Variants in RABGAP1L observed in about 807,000 individuals in gnomAD.
The protein encoded by RABGAP1L is rab GTPase-activating protein 1-like.
RABGAP1L carries 63 observed loss-of-function variants against 137.7 expected under a neutral mutation model. That is an observed-to-expected ratio of 0.46 (90% CI 0.37 to 0.56). The LOEUF (loss-of-function observed/expected upper bound fraction) is 0.56. Ranked by LOEUF, RABGAP1L falls within the 20% of genes least tolerant of loss-of-function variation. The pLI, the probability that RABGAP1L is intolerant of heterozygous loss-of-function variation, is 0.00. For missense variants in RABGAP1L, 1,095 were observed against 1,244.0 expected (o/e 0.88, Z 1.80); for synonymous variants, 431 against 433.7 (o/e 0.99, Z 0.08).
chr1:174,644,302 A>T (rs1674776631), intron 14 of RABGAP1L, among the ~76,000 whole-genome samples: 1 of 152,022 alleles, frequency 6.6e-6, no homozygotes, highest in Non-Finnish European at 1.5e-5. Context: ...GCTTTCCTTG[A>T]AATAGCTTTT....
At chr1:174,535,525 C>G (rs1664823495) in intron 13 of RABGAP1L, among the ~76,000 whole-genome samples, 1 of 152,102 alleles carries the variant, frequency 6.6e-6, no homozygotes, top group African/African-American at 2.4e-5. Flanking sequence ...CACTTTTTGC[C>G]TGCTAGGTGT....
In RABGAP1L at chr1:174,881,446, G is replaced by A. The variant is rs560844371; in HGVS notation, c.2340+69486G>A. ...GTAATATTTGGGTTTGGTTCATCTG[G>A]AAAAGTTATTCTAAAATTGTGCAAG... On this transcript the variant is annotated intron_variant, in intron 19 of 25. Transcript: ENST00000681986. Among the ~76,000 whole-genome samples, 33 of 147,552 alleles carry A rather than the reference G, an allele frequency of 2.2e-4. No homozygotes were observed. The East Asian group carries it at 3.0e-3, about 13-fold the overall frequency.
chr1:174,416,922 A>G (rs1307157679), intron 13 of RABGAP1L, among the ~76,000 whole-genome samples: 1 of 152,080 alleles, frequency 6.6e-6, no homozygotes, highest in Non-Finnish European at 1.5e-5. Context: ...TTGATTATAA[A>G]CTAATGAGAA....
intron 19 of RABGAP1L, among the ~76,000 whole-genome samples, chr1:174,814,019 A>G (rs1042473800): frequency 6.6e-6 from 1 of 152,218 alleles, no homozygotes; most frequent in Admixed American, 6.5e-5. Context: ...AAAGAAACCC[A>G]GGAAAACAAT....
intron 19 of RABGAP1L, among the ~76,000 whole-genome samples, chr1:174,956,917 G>A (rs1187281068): frequency 1.3e-5 from 2 of 151,686 alleles, no homozygotes; most frequent in Admixed American, 1.3e-4. Flanking sequence ...CAAAGTGCTG[G>A]GATTACAGGC....
chr1:174,885,760 G>A (rs1654983816), intron 19 of RABGAP1L, among the ~76,000 whole-genome samples: 3 of 152,042 alleles, frequency 2.0e-5, no homozygotes, highest in Admixed American at 1.3e-4. Context: ...GAGGTCAGGA[G>A]ATCGAGACCA....
intron 12 of RABGAP1L, among the ~76,000 whole-genome samples, chr1:174,375,200 ATAT>A (rs1480718069): frequency 6.6e-6 from 1 of 152,060 alleles, no homozygotes; most frequent in Admixed American, 6.6e-5. Flanking sequence ...TATAGAAAAA[ATAT>A]TATGCTTTTC....
At chr1:174,622,456 A>G (rs1202598579) in intron 13 of RABGAP1L, among the ~76,000 whole-genome samples, 1 of 152,230 alleles carries the variant, frequency 6.6e-6, no homozygotes, top group Non-Finnish European at 1.5e-5. Flanking sequence ...AACCAACCCA[A>G]ATGTCCAACA....
chr1:174,463,432 T>A lies in RABGAP1L; in HGVS notation c.1710+69287T>A, dbSNP rs186229026. ...CAAAAACAAAAAACCAAACACCGCA[T>A]GTTCTCACTCATAGGTGGGAATCGA... is the stretch of plus-strand genomic sequence containing the variant. On this transcript the variant is annotated intron_variant, in intron 13 of 25. Transcript: ENST00000681986. Among the ~76,000 whole-genome samples the A allele has an allele frequency of 9.9e-5, 15 of 151,252 alleles. No individual in the cohort carries two copies. The East Asian group carries it at 2.5e-3, about 26-fold the overall frequency.
chr1:174,621,452 T>G (rs1471409005), intron 13 of RABGAP1L, among the ~76,000 whole-genome samples: 7 of 152,238 alleles, frequency 4.6e-5, no homozygotes, highest in African/African-American at 1.7e-4. Context: ...GACTTCAAAC[T>G]ATACTACAAG....
intron 19 of RABGAP1L, among the ~76,000 whole-genome samples, chr1:174,923,203 G>C (rs947832919): frequency 3.0e-4 from 45 of 151,866 alleles, no homozygotes; most frequent in African/African-American, 1.1e-3. Context: ...ATAAGGTAAG[G>C]TGTGTTATAT....
intron 14 of RABGAP1L, among the ~76,000 whole-genome samples, chr1:174,675,643 G>C (rs949098937): frequency 6.6e-6 from 1 of 152,102 alleles, no homozygotes; most frequent in Non-Finnish European, 1.5e-5. Context: ...TTGGTAGCTT[G>C]ATGGGGATGG....
chr1:174,824,827 G>T (rs1171740795), intron 19 of RABGAP1L, among the ~76,000 whole-genome samples: 4 of 149,662 alleles, frequency 2.7e-5, no homozygotes, highest in Admixed American at 1.3e-4. Flanking sequence ...TTTTTTTTTT[G>T]AAATGGTGGC....
chr1:174,453,018 GT>G (rs1246621627), intron 13 of RABGAP1L, among the ~76,000 whole-genome samples: 3 of 152,202 alleles, frequency 2.0e-5, no homozygotes, highest in South Asian at 4.2e-4. Context: ...AAATTTTGGG[GT>G]TAAACTCAGA....
chr1:174,165,319 T>G (rs1664813831), intron 1 of RABGAP1L, among the ~76,000 whole-genome samples: 2 of 152,082 alleles, frequency 1.3e-5, no homozygotes, highest in Admixed American at 1.3e-4. Context: ...CAGGCTAATT[T>G]TTGTATTTTT....
At chr1:174,901,437 C>G (rs1393255959) in intron 19 of RABGAP1L, among the ~76,000 whole-genome samples, 1 of 152,090 alleles carries the variant, frequency 6.6e-6, no homozygotes, top group African/African-American at 2.4e-5. Flanking sequence ...GGAGAAGCCC[C>G]CCTTATAAAA....
At chr1:174,585,791 G>C (rs184189983) in intron 13 of RABGAP1L, among the ~76,000 whole-genome samples, 3 of 152,322 alleles carry the variant, frequency 2.0e-5, no homozygotes, top group Admixed American at 6.5e-5. Flanking sequence ...TACTCCTTCA[G>C]TGGTTGGTTG....
chr1:174,480,563 C>T (rs1054090595), intron 13 of RABGAP1L, among the ~76,000 whole-genome samples: 2 of 152,220 alleles, frequency 1.3e-5, no homozygotes, highest in African/African-American at 4.8e-5. Flanking sequence ...TAAGAGCAAG[C>T]TTCTTTATGC....
At chr1:174,902,033 A>G (rs181394298) in intron 19 of RABGAP1L, among the ~76,000 whole-genome samples, 84 of 152,286 alleles carry the variant, frequency 5.5e-4, no homozygotes, top group Admixed American at 1.4e-3. Flanking sequence ...GAGAAAAAGC[A>G]AAGGTGGCAG....
Sources: gnomAD v4.1 joint callset for allele counts (sites outside exome capture counted in the v4.1 genomes callset) on GRCh38, gnomAD v4.1.1 for gene constraint, MANE v1.5 for transcripts, NCBI Gene and HGNC (gene_info 2026-07-23, HGNC 2026-07-21) for gene names.